Variants in THRA observed in about 807,000 individuals in gnomAD.
THRA encodes EAR-7.
Under a neutral mutation model 45.0 loss-of-function variants are expected in THRA, and 13 were observed. The observed-to-expected ratio is 0.29, with a 90% confidence interval of 0.19 to 0.46. THRA has a LOEUF of 0.46. Among genes scored for constraint, THRA ranks in the 20% least tolerant of loss-of-function variants. The pLI is 1.00. For synonymous variants in THRA, 195 were observed against 214.0 expected, an observed-to-expected ratio of 0.91 and a Z score of 0.78; for missense variants, 278 against 556.1, an observed-to-expected ratio of 0.50 and a Z score of 5.03.
At chr17:40,063,380 G>C (rs114208005) in intron 1 of THRA, among the ~76,000 whole-genome samples, 2,521 of 152,240 alleles carry the variant, frequency 0.017, 75 homozygotes, top group African/African-American at 0.058. Context: ...GCCTCTGTCC[G>C]GCCAGTCTGC....
At chr17:40,074,617 CA>C (rs1986887365) in intron 2 of THRA, 76 bp downstream of exon 2, 1 of 1,534,708 alleles carries the variant, frequency 6.5e-7, no homozygotes, top group African/African-American at 1.4e-5. Flanking sequence ...CTCCTTTAGG[CA>C]CCGCCTTTAA....
intron 4 of THRA, among the ~76,000 whole-genome samples, chr17:40,080,574 A>C (rs1321791947): frequency 1.3e-5 from 2 of 152,126 alleles, no homozygotes; most frequent in African/African-American, 4.8e-5. Context: ...TAGAGAAAGG[A>C]TCTTTTACTC....
At chr17:40,082,098 G>T (rs1253453994) in intron 4 of THRA, among the ~76,000 whole-genome samples, 6 of 151,586 alleles carry the variant, frequency 4.0e-5, no homozygotes, top group African/African-American at 1.5e-4. Flanking sequence ...CCTGTTTTAT[G>T]AATTCCACCT....
downstream of THRA, chr17:40,093,127 T>C: frequency 6.2e-7 from 1 of 1,613,926 alleles, no homozygotes; most frequent in Non-Finnish European, 8.5e-7. This position sits in a 1 kb window ranked among gnomAD's most constrained non-coding sequence, Gnocchi z 5.9. Context: ...TCGGAATGCA[T>C]GTTGTTCAGG....
chr17:40,065,761 G>A (rs1986533098), intron 1 of THRA, among the ~76,000 whole-genome samples: 1 of 124,558 alleles, frequency 8.0e-6, no homozygotes, highest in Non-Finnish European at 1.6e-5. Flanking sequence ...TTAGGGGCTG[G>A]GAATGGGGGA....
rs1987536265 is a variant in THRA at position 40,091,295 on chromosome 17, A to C, written c.*1839A>C. ...ACGGACATGCACACACGGACATGGG[A>C]AGGCAATGCTATGCTGCCCGTCAGG... On this transcript the variant is annotated 3_prime_UTR_variant, in exon 9 of 9. Coordinates refer to ENST00000450525, the MANE Select transcript of THRA (RefSeq NM_199334.5). The C allele has an allele frequency of 6.6e-6, 1 of 151,324 alleles. No individual in the cohort carries two copies. The highest frequency in any genetic ancestry group is 2.5e-5 in the African/African-American group (1 of 39,562). 9.4% of individuals were successfully genotyped at this position (151,324 alleles called of 1,614,324 possible).
chr17:40,070,293 C>A (rs1272475315), intron 1 of THRA, among the ~76,000 whole-genome samples: 1 of 152,202 alleles, frequency 6.6e-6, no homozygotes, highest in African/African-American at 2.4e-5. Flanking sequence ...ATAGTACCTT[C>A]CTTCCCGCCT....
intron 4 of THRA, among the ~76,000 whole-genome samples, chr17:40,080,139 C>T (rs924170684): frequency 2.0e-5 from 3 of 151,986 alleles, no homozygotes; most frequent in Non-Finnish European, 4.4e-5. Context: ...GTAGCTCACG[C>T]CTGTAATCCA....
intron 1 of THRA, among the ~76,000 whole-genome samples, chr17:40,071,789 A>T (rs746139223): frequency 6.6e-6 from 1 of 152,104 alleles, no homozygotes; most frequent in African/African-American, 2.4e-5. Context: ...CTCATGTGGT[A>T]TGTGTCTCCC....
intron 1 of THRA, among the ~76,000 whole-genome samples, chr17:40,071,487 C>T (rs1986773881): frequency 6.6e-6 from 1 of 152,244 alleles, no homozygotes; most frequent in Non-Finnish European, 1.5e-5. Flanking sequence ...GGCACTTTGC[C>T]TACACTGCCT....
Position 40,089,733 on chromosome 17 carries a change from G to A in THRA, c.*277G>A. ...TTCCCAGGACCCCATCCTCTCAGAA[G>A]GTAGGGGAAGGGCGGGAGGATTGAG... On this transcript the variant is annotated 3_prime_UTR_variant, in exon 9 of 9. Transcript: ENST00000450525. This position sits in a 1 kb window ranked among gnomAD's most constrained non-coding sequence, Gnocchi z 6.1. 1.5e-6 allele frequency: 2 copies of A among 1,299,464 alleles called. No individual in the cohort carries two copies. The highest frequency in any genetic ancestry group is 2.0e-6 in the Non-Finnish European group (2 of 1,016,404). The allele number at this position is 1,299,464 out of a possible 1,614,324, so 80.5% of individuals were successfully genotyped here. A position where few individuals can be genotyped will look rare whatever the true frequency, so the allele number is the denominator to read the frequency against.
At chr17:40,077,066 G>A in intron 3 of THRA, 128 bp downstream of exon 3, 1 of 946,910 alleles carries the variant, frequency 1.1e-6, no homozygotes, top group East Asian at 2.6e-5. Context: ...AGAGGGCTTG[G>A]GATGGACTTG....
At chr17:40,088,145 C>T in intron 7 of THRA, 97 bp from the exon 8 acceptor site, 1 of 1,483,246 alleles carries the variant, frequency 6.7e-7, no homozygotes, top group South Asian at 1.4e-5. Flanking sequence ...CCATGGGGGC[C>T]TTGCGGGCCT....
At chr17:40,063,326 C>T (rs1416484834) in intron 1 of THRA, among the ~76,000 whole-genome samples, 1 of 152,104 alleles carries the variant, frequency 6.6e-6, no homozygotes, top group Non-Finnish European at 1.5e-5. Flanking sequence ...CCGGGGTTCG[C>T]AGGCGGAGAT....
intron 6 of THRA, 24 bp from the exon 7 acceptor site, chr17:40,086,683 G>GCTGA (rs1987330469): frequency 6.2e-7 from 1 of 1,607,624 alleles, no homozygotes; most frequent in Non-Finnish European, 8.5e-7. Context: ...TGCGGCCCCA[G>GCTGA]CTGACCCCCG....
intron 5 of THRA, chr17:40,084,322 T>C: frequency 2.0e-6 from 1 of 504,570 alleles, no homozygotes; most frequent in South Asian, 2.3e-5. Context: ...GCATCTTCCA[T>C]TGGCTGGGGA....
At position 40,074,446 on chromosome 17, in the gene THRA, T is replaced by C; in HGVS notation, c.-43T>C. 1 of 1,612,410 alleles carries C rather than the reference T, an allele frequency of 6.2e-7. No individual in the cohort carries two copies. Among genetic ancestry groups the C allele is most frequent in the Non-Finnish European group, 8.5e-7 (1 of 1,178,698 alleles). On this transcript the variant is annotated 5_prime_UTR_variant, in exon 2 of 9. Transcript: ENST00000450525. ...GGGGGGGCCAGTGTGCCCACCCCAGTCTCTTGGCGTGCTGGAGGGCATCCT... is the reference window on the plus strand; with the variant it reads ...GGGGGGGCCAGTGTGCCCACCCCAGCCTCTTGGCGTGCTGGAGGGCATCCT...
chr17:40,088,429 A>G lies in THRA; in HGVS notation c.911A>G (p.Lys304Arg), dbSNP rs1056918291. 5 of 1,613,992 alleles carry G rather than the reference A, an allele frequency of 3.1e-6. No individual in the cohort carries two copies. In the African/African-American group the frequency reaches 4.0e-5, roughly 13 times the overall value. ...TCCGACGCCATCTTTGAACTGGGCA[A>G]GTCACTCTCTGCCTTTAACCTGGAT... ...VVSDAIFELG[K>R]SLSAFNLDDT... Residue 304 changes from lysine (K) to arginine (R), a missense_variant, in exon 8 of 9, where the codon AAG becomes AGG. Physicochemically the swap from Lys to Arg is conservative, Grantham distance 26. Transcript: ENST00000450525.
intron 7 of THRA, 132 bp downstream of exon 7, chr17:40,086,985 C>G: frequency 8.5e-7 from 1 of 1,179,236 alleles, no homozygotes; most frequent in South Asian, 1.4e-5. Flanking sequence ...ACACAGATAA[C>G]ATACACAGAC....
Sources: allele counts gnomAD v4.1 joint callset (sites outside exome capture counted in the v4.1 genomes callset), GRCh38; gene constraint gnomAD v4.1.1; non-coding constraint Gnocchi (gnomAD v3.1); transcripts MANE v1.5; gene names NCBI Gene and HGNC (gene_info 2026-07-23, HGNC 2026-07-21).